Variants in DMD observed in about 807,000 individuals in gnomAD.
The protein encoded by DMD is dystrophin, also known as mutant dystrophin.
In DMD, 63 loss-of-function variants were observed where a neutral mutation model predicts 330.1. The observed-to-expected ratio is 0.19, with a 90% CI of 0.16 to 0.24. The LOEUF is 0.24. Among genes scored for constraint, DMD ranks in the 10% least tolerant of loss-of-function variants. The pLI is 1.00. For missense variants in DMD, 3,344 were observed against 2,684.1 expected (o/e 1.25, Z -5.43); for synonymous variants, 1,223 against 959.8 (o/e 1.27, Z -5.07).
At chrX:32,206,774 T>C in intron 44 of DMD, 1 of 429,463 alleles carries the variant, frequency 2.3e-6, no homozygotes, top group Non-Finnish European at 4.3e-6. Context: ...AAATTTTCCA[T>C]CTGATTTCGT....
At chrX:31,269,343 GATTAT>G (rs893377641) in intron 62 of DMD, among the ~76,000 whole-genome samples, 15 of 110,902 alleles carry the variant, frequency 1.4e-4, no homozygotes, top group Non-Finnish European at 2.3e-4. Flanking sequence ...TCCTCCTTCT[GATTAT>G]ATTATTATTA....
rs1331978618 is a variant in DMD, at chrX:33,010,015, C to T, written c.93+10124G>A. Among the ~76,000 whole-genome samples, 2 of 63,949 alleles carry T rather than the reference C, an allele frequency of 3.1e-5. 1 individual carries two copies. The highest frequency in any genetic ancestry group is 1.3e-4 in the African/African-American group (2 of 15,417). 55.5% of individuals were successfully genotyped at this position (63,949 alleles called of 115,157 possible). A position where few individuals can be genotyped will look rare whatever the true frequency, so the allele number is the denominator to read the frequency against. ...ATATACACGTATGTATGTGTATATA[C>T]ACATATGTGTGTACATGTGTATATA... is the stretch of plus-strand genomic sequence containing the variant. On this transcript the variant is annotated intron_variant, in intron 2 of 78. Transcript: ENST00000357033.
intron 2 of DMD, among the ~76,000 whole-genome samples, chrX:32,901,257 A>T (rs904638221): frequency 1.8e-5 from 2 of 111,913 alleles, no homozygotes; most frequent in Non-Finnish European, 3.8e-5. Flanking sequence ...TCAATGACAG[A>T]AGGTAATCTC....
At chrX:32,653,516 T>C (rs1212496985) in intron 9 of DMD, among the ~76,000 whole-genome samples, 2 of 111,878 alleles carry the variant, frequency 1.8e-5, no homozygotes, top group Admixed American at 9.5e-5. Context: ...CATTGGTCTA[T>C]ATCTCTATTC....
At chrX:32,600,740 A>G (rs1479360433) in intron 12 of DMD, among the ~76,000 whole-genome samples, 1 of 110,942 alleles carries the variant, frequency 9.0e-6, no homozygotes, top group Non-Finnish European at 1.9e-5. Context: ...ACAAATATTC[A>G]GTAGTTTGTA....
intron 42 of DMD, among the ~76,000 whole-genome samples, chrX:32,305,983 G>T (rs1020636866): frequency 1.8e-5 from 2 of 109,326 alleles, no homozygotes; most frequent in African/African-American, 6.6e-5. Flanking sequence ...TGGCAATTCC[G>T]CCACTTTCAA....
intron 44 of DMD, among the ~76,000 whole-genome samples, chrX:32,061,837 G>A (rs939787): frequency 0.23 from 25,493 of 110,460 alleles, 2,197 homozygotes; most frequent in South Asian, 0.27. Context: ...GAAAGGAAAC[G>A]CATAGGAAAA....
At chrX:31,922,581 A>C (rs59148814) in intron 47 of DMD, among the ~76,000 whole-genome samples, 7 of 108,896 alleles carry the variant, frequency 6.4e-5, no homozygotes, top group Non-Finnish European at 1.3e-4. Context: ...CTGAGCCCTC[A>C]ATCTATGGGA....
intron 54 of DMD, among the ~76,000 whole-genome samples, chrX:31,644,581 C>T (rs1160275813): frequency 9.0e-6 from 1 of 111,639 alleles, no homozygotes; most frequent in African/African-American, 3.3e-5. Context: ...GATGTCTGTC[C>T]ACCTGCTACT....
intron 18 of DMD, chrX:32,516,906 A>T (rs758746427): frequency 8.9e-6 from 1 of 112,187 alleles, no homozygotes; most frequent in South Asian, 3.6e-4. Context: ...ATGTCTTATA[A>T]AGCTAATAAG....
chrX:31,348,102 G>A (rs1321286203), intron 61 of DMD: 1 of 143,722 alleles, frequency 7.0e-6, no homozygotes, highest in Non-Finnish European at 1.4e-5. Flanking sequence ...AACATATATT[G>A]GATGATCATA....
chrX:32,646,128 T>A (rs904890145), intron 9 of DMD, among the ~76,000 whole-genome samples: 19 of 111,802 alleles, frequency 1.7e-4, no homozygotes, highest in African/African-American at 6.2e-4. Context: ...CGGGGTAGTT[T>A]ACATGAGCTG....
chrX:32,950,731 T>C (rs928047089), intron 2 of DMD, among the ~76,000 whole-genome samples: 1 of 111,409 alleles, frequency 9.0e-6, no homozygotes, highest in Admixed American at 9.6e-5. Context: ...TTTCTTCTTT[T>C]TATGAATTCA....
At chrX:32,827,509 T>G (rs1324630668) in intron 4 of DMD, among the ~76,000 whole-genome samples, 1 of 111,220 alleles carries the variant, frequency 9.0e-6, no homozygotes, top group Non-Finnish European at 1.9e-5. Context: ...GGGGGTTTAA[T>G]GTACACATTA....
chrX:31,319,246 T>C (rs747071518), intron 62 of DMD, among the ~76,000 whole-genome samples: 11 of 112,072 alleles, frequency 9.8e-5, no homozygotes, highest in Admixed American at 1.9e-4. Context: ...GGAAAGCTTA[T>C]CTTTCCGTCA....
At chrX:32,251,250 C>G (rs2097262609) in intron 43 of DMD, among the ~76,000 whole-genome samples, 1 of 111,121 alleles carries the variant, frequency 9.0e-6, no homozygotes. Flanking sequence ...CCTACAGTCT[C>G]TCTTTAGGTT....
rs776599363 is a variant in DMD, at chrX:32,541,648, TGA to T, written c.2168+3509_2168+3510del. 2.3e-3 allele frequency among the ~76,000 whole-genome samples: 255 copies of T among 111,166 alleles called. 1 individual carries two copies. Among genetic ancestry groups the T allele is most frequent in the African/African-American group, 4.9e-3 (149 of 30,584 alleles). ...GGAATAATAGACACTGGGGCCTATT[TGA>T]GAGTGGAAGGTGGGAGGCAGGTGAG... On this transcript the variant is annotated intron_variant, in intron 17 of 78. Transcript: ENST00000357033.
chrX:32,964,255 CAAAAAAA>C (rs781702491), intron 2 of DMD, among the ~76,000 whole-genome samples: 2 of 35,190 alleles, frequency 5.7e-5, no homozygotes, highest in African/African-American at 2.3e-4. Context: ...GACTCCATCT[CAAAAAAA>C]AAAAAAAAAA....
intron 60 of DMD, among the ~76,000 whole-genome samples, chrX:31,437,463 C>T (rs1387282529): frequency 1.8e-5 from 2 of 111,405 alleles, no homozygotes; most frequent in Non-Finnish European, 3.8e-5. Context: ...ATTGGTTTAA[C>T]AAGCTTTGCA....
Sources: allele counts gnomAD v4.1 joint callset (sites outside exome capture counted in the v4.1 genomes callset), GRCh38; gene constraint gnomAD v4.1.1; transcripts MANE v1.5; gene names NCBI Gene and HGNC (gene_info 2026-07-23, HGNC 2026-07-21).